The following TBX15 variants were observed in gnomAD, a reference collection of about 807,000 sequenced individuals.
The protein encoded by TBX15 is T-box transcription factor 15, also known as T-box transcription factor TBX15.
Under a neutral mutation model 53.9 loss-of-function variants are expected in TBX15, and 18 were observed. The ratio of observed to expected loss-of-function variants is 0.33; its 90% CI spans 0.23 to 0.49. TBX15 has a LOEUF of 0.49. Ranked by LOEUF, TBX15 falls within the 20% of genes least tolerant of loss-of-function variation. TBX15 has a pLI of 0.98. For synonymous variants in TBX15, 295 were observed against 278.0 expected, an observed-to-expected ratio of 1.06 and a Z score of -0.61; for missense variants, 692 against 749.5, an observed-to-expected ratio of 0.92 and a Z score of 0.90.
At chr1:118,959,590 T>C (rs1053392337) in intron 1 of TBX15, among the ~76,000 whole-genome samples, 2 of 152,180 alleles carry the variant, frequency 1.3e-5, no homozygotes, top group Admixed American at 6.5e-5. Flanking sequence ...GTGTTTTCCC[T>C]AAAACCACCT....
upstream of TBX15, chr1:118,989,492 C>G (rs1225500701): frequency 6.6e-6 from 1 of 152,202 alleles, no homozygotes; most frequent in Admixed American, 6.5e-5. Context: ...TAGACACAGC[C>G]CGATCTTCCA....
intron 1 of TBX15, among the ~76,000 whole-genome samples, chr1:118,954,156 G>A (rs713451): frequency 0.3 from 46,351 of 152,002 alleles, 8,575 homozygotes; most frequent in East Asian, 0.58. Flanking sequence ...ACTAAATATC[G>A]CAAATCAACA....
At chr1:118,893,585 AGG>A (rs1557873023) in intron 7 of TBX15, among the ~76,000 whole-genome samples, 9 of 128,238 alleles carry the variant, frequency 7.0e-5, no homozygotes, top group African/African-American at 3.3e-4. Context: ...AAAGAAAGAA[AGG>A]AAGGAAGGAA....
intron 1 of TBX15, among the ~76,000 whole-genome samples, chr1:118,959,297 GA>G (rs2101674682): frequency 6.6e-6 from 1 of 152,308 alleles, no homozygotes; most frequent in South Asian, 2.1e-4. Context: ...AGGCGAATAA[GA>G]ATATGTATTT....
At chr1:118,899,882 C>A (rs1271826896) in intron 6 of TBX15, among the ~76,000 whole-genome samples, 1 of 152,116 alleles carries the variant, frequency 6.6e-6, no homozygotes, top group Non-Finnish European at 1.5e-5. Flanking sequence ...CTTTAAGGCT[C>A]CTGGTTCATT....
chr1:118,910,628 T>C (rs993733828), intron 6 of TBX15, among the ~76,000 whole-genome samples: 4 of 152,172 alleles, frequency 2.6e-5, no homozygotes, highest in African/African-American at 9.7e-5. Flanking sequence ...CAGTGAGAAT[T>C]AAAGTGTGAT....
At chr1:118,959,631 C>A (rs559030101) in intron 1 of TBX15, among the ~76,000 whole-genome samples, 5 of 152,288 alleles carry the variant, frequency 3.3e-5, no homozygotes, top group African/African-American at 9.6e-5. Context: ...AAATATAGAG[C>A]TTTGTTCTCC....
intron 6 of TBX15, 118 bp from the exon 7 acceptor site, chr1:118,899,243 C>A: frequency 1.1e-6 from 1 of 917,894 alleles, no homozygotes. Context: ...ACTAAGCTAC[C>A]ACCATCAAGG....
chr1:118,900,275 C>T (rs1035914759), intron 6 of TBX15, among the ~76,000 whole-genome samples: 1 of 152,182 alleles, frequency 6.6e-6, no homozygotes, highest in Non-Finnish European at 1.5e-5. Flanking sequence ...AATGGATTAG[C>T]TTCCCCTTTT....
At chr1:118,909,179 C>A (rs1439456915) in intron 6 of TBX15, among the ~76,000 whole-genome samples, 2 of 152,192 alleles carry the variant, frequency 1.3e-5, no homozygotes, top group Non-Finnish European at 2.9e-5. Flanking sequence ...ATGAATATCA[C>A]CTCTTGTTTC....
intron 1 of TBX15, among the ~76,000 whole-genome samples, 164 bp from the exon 2 acceptor site, chr1:118,931,996 A>AT (rs2101614645): frequency 6.6e-6 from 1 of 152,228 alleles, no homozygotes; most frequent in East Asian, 1.9e-4. Flanking sequence ...GTATTTTATT[A>AT]TTTTTTATGG....
chr1:118,913,489 G>A (rs894349782), intron 6 of TBX15, among the ~76,000 whole-genome samples: 1 of 152,144 alleles, frequency 6.6e-6, no homozygotes, highest in Non-Finnish European at 1.5e-5. Flanking sequence ...AAATGACACA[G>A]TCTCTAAGGA....
At chr1:118,932,488 G>A (rs1655828789) in intron 1 of TBX15, among the ~76,000 whole-genome samples, 1 of 152,156 alleles carries the variant, frequency 6.6e-6, no homozygotes, top group South Asian at 2.1e-4. Flanking sequence ...GTGAGTCAAG[G>A]ATGTAAGCAT....
chr1:118,977,425 A>G (rs559845546), intron 1 of TBX15, among the ~76,000 whole-genome samples: 1 of 152,306 alleles, frequency 6.6e-6, no homozygotes, highest in South Asian at 2.1e-4. Context: ...CTTCCTATGT[A>G]ACAGCCACTT....
At chr1:118,958,356 T>C (rs1054967350) in intron 1 of TBX15, among the ~76,000 whole-genome samples, 1 of 152,232 alleles carries the variant, frequency 6.6e-6, no homozygotes, top group Admixed American at 6.5e-5. Flanking sequence ...TTCAGAGCAG[T>C]GAGAAATAAA....
At chr1:118,899,401 G>GA (rs1456307398) in intron 6 of TBX15, among the ~76,000 whole-genome samples, 8 of 152,106 alleles carry the variant, frequency 5.3e-5, no homozygotes, top group African/African-American at 1.9e-4. Context: ...AGGTCTGCAG[G>GA]CAAAAAAGCA....
intron 1 of TBX15, among the ~76,000 whole-genome samples, chr1:118,940,071 A>G (rs1656119597): frequency 6.6e-6 from 1 of 151,860 alleles, no homozygotes; most frequent in South Asian, 2.1e-4. Flanking sequence ...CATTTTTCAG[A>G]ACTAGAACTG....
At position 118,987,710 on chromosome 1, in the gene TBX15, T is replaced by G. The variant is rs1657889409; in HGVS notation, c.86A>C (p.Lys29Thr). 4 of 1,550,392 alleles carry G rather than the reference T, an allele frequency of 2.6e-6. No individual in the cohort carries two copies. In the Admixed American group the frequency reaches 7.8e-5, roughly 30 times the overall value. Residue 29 changes from lysine to threonine, a missense_variant, in exon 1 of 8, where the codon AAA becomes ACA. Lys to Thr is a moderately conservative substitution (Grantham distance 78). Coordinates refer to ENST00000369429, the MANE Select transcript of TBX15 (RefSeq NM_001330677.2). The stretch of plus-strand genomic sequence containing the variant: ...CTCCTCCCAGTCTCGCAGTTTCCGT[T>G]TTTTATTTGAGCCGATCAAGGCTTC... ...SVEALIGSNKKRKLRDWEEKG... is the reference protein window; with the variant it reads ...SVEALIGSNKTRKLRDWEEKG...
intron 7 of TBX15, among the ~76,000 whole-genome samples, chr1:118,894,432 G>A (rs1654351104): frequency 6.6e-6 from 1 of 152,166 alleles, no homozygotes; most frequent in African/African-American, 2.4e-5. Flanking sequence ...AAAGTAAACT[G>A]TGGCCATTGA....
Sources: gnomAD v4.1 joint callset for allele counts (sites outside exome capture counted in the v4.1 genomes callset) on GRCh38, gnomAD v4.1.1 for gene constraint, MANE v1.5 for transcripts, NCBI Gene and HGNC (gene_info 2026-07-23, HGNC 2026-07-21) for gene names.